Variants in ANK3 observed in about 807,000 individuals in gnomAD.
ANK3 encodes ankyrin 3.
A neutral mutation model predicts 370.9 loss-of-function variants in ANK3; 57 were observed. The observed-to-expected ratio is 0.15, with a 90% CI of 0.12 to 0.19. The LOEUF (loss-of-function observed/expected upper bound fraction) is 0.19. ANK3 is among the 10% of genes least tolerant of loss of function. The probability of loss-of-function intolerance (pLI) is 1.00; values close to 1 mark genes in which losing one functional copy is unlikely to be tolerated. For synonymous variants in ANK3, 1,929 were observed against 1,946.3 expected, an observed-to-expected ratio of 0.99 and a Z score of 0.23; for missense variants, 4,439 against 5,302.1, an observed-to-expected ratio of 0.84 and a Z score of 5.06.
chr10:60,513,938 C>T (rs1471016787), intron 2 of ANK3, among the ~76,000 whole-genome samples: 10 of 152,100 alleles, frequency 6.6e-5, no homozygotes, highest in African/African-American at 2.4e-4. Context: ...CTCTCCTTCC[C>T]CTTCCTCCAC....
intron 8 of ANK3, among the ~76,000 whole-genome samples, chr10:60,224,541 A>T (rs2097108622): frequency 1.3e-5 from 2 of 152,210 alleles, no homozygotes. Context: ...TGTCTTTAGC[A>T]GGTCAAATTT....
rs540726988 is a variant in ANK3, at chr10:60,305,374, G to T, written c.115-25735C>A. The stretch of plus-strand genomic sequence containing the variant: ...AGCAACAAAAACCAGAAAATAAGAT[G>T]TCTGGCTCTAGGCAGGACATTCGTG... On this transcript the variant is annotated intron_variant, in intron 1 of 43. Coordinates refer to ENST00000280772, the MANE Select transcript of ANK3 (RefSeq NM_020987.5). 4.6e-5 allele frequency among the ~76,000 whole-genome samples: 7 copies of T among 151,888 alleles called. No homozygotes were observed. The South Asian group carries it at 1.5e-3, about 32-fold the overall frequency.
chr10:60,642,636 G>GT (rs900522309), intron 1 of ANK3, among the ~76,000 whole-genome samples: 58 of 98,746 alleles, frequency 5.9e-4, no homozygotes, highest in African/African-American at 2.0e-3. Flanking sequence ...CTGTTGTGGG[G>GT]TGGGGGGGCG....
chr10:60,092,231 T>A (rs1564948761), intron 28 of ANK3, among the ~76,000 whole-genome samples: 1 of 152,106 alleles, frequency 6.6e-6, no homozygotes, highest in Non-Finnish European at 1.5e-5. Context: ...CTTTGGGGGA[T>A]GGGGGGTTGT....
At chr10:60,190,086 A>G (rs1216796545) in intron 16 of ANK3, among the ~76,000 whole-genome samples, 3 of 152,226 alleles carry the variant, frequency 2.0e-5, no homozygotes, top group Non-Finnish European at 4.4e-5. Flanking sequence ...AGAGCTGCCC[A>G]TCTACTTTTC....
At chr10:60,698,213 C>T (rs1388472570) in intron 1 of ANK3, among the ~76,000 whole-genome samples, 1 of 151,332 alleles carries the variant, frequency 6.6e-6, no homozygotes, top group African/African-American at 2.4e-5. Context: ...TACCATCTCA[C>T]ACCAGTTAGA....
intron 23 of ANK3, chr10:60,146,118 C>T: frequency 6.8e-7 from 1 of 1,480,684 alleles, no homozygotes; most frequent in Admixed American, 2.3e-5. Context: ...CCACCAGAAA[C>T]AGTATTGTCA....
chr10:60,457,276 C>T (rs1414009511), intron 2 of ANK3, among the ~76,000 whole-genome samples: 1 of 152,124 alleles, frequency 6.6e-6, no homozygotes, highest in Non-Finnish European at 1.5e-5. Flanking sequence ...AAGGAGCCTA[C>T]AAATTCCTAT....
At chr10:60,231,798 A>C (rs1464914261) in intron 8 of ANK3, among the ~76,000 whole-genome samples, 1 of 152,154 alleles carries the variant, frequency 6.6e-6, no homozygotes, top group Non-Finnish European at 1.5e-5. Flanking sequence ...AACCCATTCC[A>C]TTCAGGACAA....
chr10:60,213,430 G>C lies in ANK3; in HGVS notation c.978C>G (p.Pro326=). 6.2e-7 allele frequency: 1 copy of C among 1,612,044 alleles called. No homozygotes were observed. The highest frequency in any genetic ancestry group is 8.5e-7 in the Non-Finnish European group (1 of 1,178,796). Residue 326 remains proline (P), a synonymous_variant, in exon 9 of 44, where the codon CCC becomes CCG. Coordinates refer to ENST00000280772, the MANE Select transcript of ANK3 (RefSeq NM_020987.5). ...VVEMLLDRAA[P]ILSKTKNGLS... is the part of the protein sequence containing the mutation. ...AAATTACCTTGGTTTTTGAAAGAAT[G>C]GGGGCAGCTCGATCAAGCAACATTT... is the stretch of plus-strand genomic sequence containing the variant.
chr10:60,118,485 G>T (rs1761362524), intron 25 of ANK3, among the ~76,000 whole-genome samples: 1 of 152,094 alleles, frequency 6.6e-6, no homozygotes, highest in Non-Finnish European at 1.5e-5. Context: ...CCCGTCAAAA[G>T]CAATAAACCA....
rs193234957 is a variant in ANK3 at position 60,694,321 on chromosome 10, C to T, written c.57+38942G>A. Among the ~76,000 whole-genome samples, 518 of 152,254 alleles carry T rather than the reference C, an allele frequency of 3.4e-3. 4 individuals carry two copies. The highest frequency in any genetic ancestry group is 0.031 in the East Asian group (162 of 5,178). ...GAGAATGGAACCAAGTTGGAAAACACGGCAGGATATTATCCAGGAGAACTT... is the reference window on the plus strand; with the variant it reads ...GAGAATGGAACCAAGTTGGAAAACATGGCAGGATATTATCCAGGAGAACTT... On this transcript the variant is annotated intron_variant, in intron 1 of 43. Transcript: ENST00000373827.
At chr10:60,138,580 C>T (rs1242272118) in intron 24 of ANK3, 1 of 408,532 alleles carries the variant, frequency 2.4e-6, no homozygotes, top group East Asian at 3.5e-5. Context: ...GAATAGTGAA[C>T]AATCTATACA....
intron 2 of ANK3, among the ~76,000 whole-genome samples, chr10:60,532,599 C>A (rs556843405): frequency 1.2e-4 from 18 of 152,020 alleles, no homozygotes; most frequent in African/African-American, 4.3e-4. Flanking sequence ...ACACAGATTG[C>A]GCTCTCCCAA....
chr10:60,293,539 A>T (rs1208463324), intron 1 of ANK3, among the ~76,000 whole-genome samples: 1 of 152,208 alleles, frequency 6.6e-6, no homozygotes, highest in African/African-American at 2.4e-5. Context: ...GATTTGCTTA[A>T]CTAGCTAGAG....
chr10:60,038,118 T>C (rs1218688022), intron 43 of ANK3, among the ~76,000 whole-genome samples: 3 of 152,184 alleles, frequency 2.0e-5, no homozygotes, highest in African/African-American at 7.2e-5. Flanking sequence ...TGTGCGTGGC[T>C]GGGCACAGTG....
At position 60,686,576 on chromosome 10, in the gene ANK3, A is replaced by G. The variant is rs1475679366; in HGVS notation, c.57+46687T>C. On this transcript the variant is annotated intron_variant, in intron 1 of 43. Coordinates refer to the ANK3 transcript ENST00000373827. ...GTATAGTACTTTCTATGTGCCAGGC[A>G]CTATTAAAAGTTTTTTATAAATATT... Among the ~76,000 whole-genome samples the G allele has an allele frequency of 2.0e-5, 3 of 152,132 alleles. No homozygotes were observed. The East Asian group carries it at 5.8e-4, about 29-fold the overall frequency.
At chr10:60,450,982 T>C (rs747953257) in intron 2 of ANK3, among the ~76,000 whole-genome samples, 2 of 152,154 alleles carry the variant, frequency 1.3e-5, no homozygotes, top group Non-Finnish European at 1.5e-5. Flanking sequence ...AAGGTAAGGA[T>C]CTTGAGAAGA....
chr10:60,575,302 C>T (rs999836860), intron 2 of ANK3, among the ~76,000 whole-genome samples: 4 of 151,032 alleles, frequency 2.6e-5, no homozygotes, highest in African/African-American at 4.9e-5. Context: ...ATGTAAGGTT[C>T]GTATTACAAG....
Sources: gnomAD v4.1 joint callset for allele counts (sites outside exome capture counted in the v4.1 genomes callset) on GRCh38, gnomAD v4.1.1 for gene constraint, MANE v1.5 for transcripts, NCBI Gene and HGNC (gene_info 2026-07-23, HGNC 2026-07-21) for gene names.